The following MAB21L3 variants were observed in gnomAD, a reference collection of about 807,000 sequenced individuals.
MAB21L3 encodes mab-21 like 3.
In MAB21L3, 36 loss-of-function variants were observed where a neutral mutation model predicts 37.7. The observed-to-expected ratio is 0.96, with a 90% CI of 0.73 to 1.26. The LOEUF is 1.26. MAB21L3 is among the 50% of genes most tolerant of loss of function. The probability of loss-of-function intolerance (pLI) is 0.00; values close to 1 mark genes in which losing one functional copy is unlikely to be tolerated. For missense variants in MAB21L3, 430 were observed against 447.3 expected (o/e 0.96, Z 0.35); for synonymous variants, 186 against 176.8 (o/e 1.05, Z -0.41).
chr1:116,113,568 A>G (rs933692071), intron 3 of MAB21L3, among the ~76,000 whole-genome samples: 1 of 152,160 alleles, frequency 6.6e-6, no homozygotes, highest in African/African-American at 2.4e-5. Context: ...CAACTGCTCT[A>G]TCTTTCTACC....
chr1:116,127,604 T>A lies in MAB21L3; in HGVS notation c.620T>A (p.Leu207Gln). The change falls in exon 6 of 8, where the codon CTG becomes CAG. Residue 207 changes from leucine to glutamine, a missense_variant. Physicochemically the swap from Leu to Gln is moderately radical, Grantham distance 113 (BLOSUM62 -2). Transcript: ENST00000369500. Reference protein sequence around the residue: ...WSKKARWPRCLQRWPSQERVE... With the variant: ...WSKKARWPRCQQRWPSQERVE... The stretch of plus-strand genomic sequence containing the variant: ...AAGAAAGCCCGGTGGCCTCGATGTC[T>A]GCAGCGCTGGCCTTCCCAAGAGAGA... 6.2e-7 allele frequency: 1 copy of A among 1,614,108 alleles called. No homozygotes were observed. Among genetic ancestry groups the A allele is most frequent in the Non-Finnish European group, 8.5e-7 (1 of 1,180,028 alleles).
intron 3 of MAB21L3, among the ~76,000 whole-genome samples, chr1:116,113,182 A>C (rs1659479301): frequency 6.6e-6 from 1 of 152,218 alleles, no homozygotes; most frequent in Non-Finnish European, 1.5e-5. Flanking sequence ...ACTTGAAGGA[A>C]ACTTAAATAT....
At position 116,136,611 on chromosome 1, in the gene MAB21L3, T is replaced by C. The variant is rs1660202944; in HGVS notation, c.*3246T>C. The stretch of plus-strand genomic sequence containing the variant: ...GCTACCAATGACTTTCTTCACAGAA[T>C]TGGAAAAAACTACTTTAAAGTTCAT... On this transcript the variant is annotated 3_prime_UTR_variant, in exon 8 of 8. Transcript: ENST00000369500. Among the ~76,000 whole-genome samples, 1 of 152,056 alleles carries C rather than the reference T, an allele frequency of 6.6e-6. No individual in the cohort carries two copies. The highest frequency in any genetic ancestry group is 2.4e-5 in the African/African-American group (1 of 41,386).
Position 116,133,112 on chromosome 1 carries a change from A to G in MAB21L3, c.856-20A>G. The stretch of plus-strand genomic sequence containing the variant: ...TCAATTGCCCGAAACAATGTCTGAC[A>G]GCACTTCTCCCTTCCACAGACTGTG... On this transcript the variant is annotated intron_variant, in intron 7 of 7. Transcript: ENST00000369500. 1 of 1,594,288 alleles carries G rather than the reference A, an allele frequency of 6.3e-7. No individual in the cohort carries two copies. Among genetic ancestry groups the G allele is most frequent in the East Asian group, 2.2e-5 (1 of 44,754 alleles).
intron 5 of MAB21L3, among the ~76,000 whole-genome samples, chr1:116,126,003 A>G (rs1479095456): frequency 6.6e-6 from 1 of 152,240 alleles, no homozygotes; most frequent in Non-Finnish European, 1.5e-5. Flanking sequence ...TTTAGTAAAT[A>G]ATGCTAAAGT....
rs1393853917 is a variant in MAB21L3, at chr1:116,136,816, C to T, written c.*3451C>T. 2.1e-4 allele frequency among the ~76,000 whole-genome samples: 31 copies of T among 149,092 alleles called. No homozygotes were observed. The highest frequency in any genetic ancestry group is 6.0e-4 in the Admixed American group (9 of 14,992). On this transcript the variant is annotated 3_prime_UTR_variant, in exon 8 of 8. Coordinates refer to ENST00000369500, the MANE Select transcript of MAB21L3 (RefSeq NM_152367.3). ...AACAGAACAGAGCCCTCAGAAATAA[C>T]GCCGCATATCTACAACTATCTGATC...
At chr1:116,113,689 C>T (rs749907453) in intron 3 of MAB21L3, among the ~76,000 whole-genome samples, 2 of 152,186 alleles carry the variant, frequency 1.3e-5, no homozygotes, top group Non-Finnish European at 2.9e-5. Flanking sequence ...TAATGTTTTT[C>T]ACAAACATTT....
Position 116,121,239 on chromosome 1 carries a change from C to T in MAB21L3, c.189+167C>T, listed in dbSNP as rs1022205000. The stretch of plus-strand genomic sequence containing the variant: ...ATTTACAGTCTCATTTTATACATGT[C>T]ATTTCAGCCAGCAGGGTGCCTTATG... On this transcript the variant is annotated intron_variant, in intron 4 of 7. Transcript: ENST00000369500. 2.6e-5 allele frequency among the ~76,000 whole-genome samples: 4 copies of T among 152,280 alleles called. No homozygotes were observed. The East Asian group carries it at 7.7e-4, about 29-fold the overall frequency.
intron 3 of MAB21L3, among the ~76,000 whole-genome samples, chr1:116,118,964 G>A (rs1244958664): frequency 6.6e-6 from 1 of 152,140 alleles, no homozygotes; most frequent in Non-Finnish European, 1.5e-5. Context: ...CAGGTCATCT[G>A]TCTTGCTTTG....
At chr1:116,125,875 G>GGCAGGGTGTGGGCCA (rs1467637058) in intron 5 of MAB21L3, among the ~76,000 whole-genome samples, 1 of 152,182 alleles carries the variant, frequency 6.6e-6, no homozygotes, top group Non-Finnish European at 1.5e-5. Flanking sequence ...GGTGTGGGCC[G>GGCAGGGTGTGGGCCA]GCAGGGTGTG....
At chr1:116,127,445 C>T in intron 5 of MAB21L3, 21 bp from the exon 6 acceptor site, 2 of 1,607,602 alleles carry the variant, frequency 1.2e-6, no homozygotes, top group Non-Finnish European at 8.5e-7. Flanking sequence ...TCTCCTTATC[C>T]ATTTGGTCAT....
At chr1:116,121,191 C>T in intron 4 of MAB21L3, 119 bp downstream of exon 4, 1 of 1,039,860 alleles carries the variant, frequency 9.6e-7, no homozygotes, top group African/African-American at 1.6e-5. Context: ...TTCTTGTTTT[C>T]ATAGGTATTC....
At chr1:116,112,747 G>A in intron 3 of MAB21L3, 84 bp downstream of exon 3, 1 of 1,421,086 alleles carries the variant, frequency 7.0e-7, no homozygotes, top group Admixed American at 1.7e-5. Context: ...AAGGATCTCA[G>A]GCTCTTTCTA....
rs1272887137 is a variant in MAB21L3 at position 116,133,894 on chromosome 1, T to C, written c.*529T>C. ...GCATTGGATCAACACAAAGTGTTCC[T>C]GGTTGGTTGAGTAGCTGGTGTTTGC... is the stretch of plus-strand genomic sequence containing the variant. On this transcript the variant is annotated 3_prime_UTR_variant, in exon 8 of 8. Coordinates refer to ENST00000369500, the MANE Select transcript of MAB21L3 (RefSeq NM_152367.3). 6.2e-6 allele frequency: 1 copy of C among 161,490 alleles called. No individual in the cohort carries two copies. The highest frequency in any genetic ancestry group is 1.4e-5 in the Non-Finnish European group (1 of 73,634). 10.0% of individuals were successfully genotyped at this position (161,490 alleles called of 1,614,324 possible).
intron 5 of MAB21L3, among the ~76,000 whole-genome samples, chr1:116,124,870 T>TACACACACACACACAC (rs148469511): frequency 3.6e-5 from 5 of 140,382 alleles, no homozygotes; most frequent in East Asian, 4.1e-4. Context: ...AGCATATGCA[T>TACACACACACACACAC]ACACACACAC....
intron 3 of MAB21L3, among the ~76,000 whole-genome samples, chr1:116,115,991 T>G (rs1659575891): frequency 6.6e-6 from 1 of 152,230 alleles, no homozygotes; most frequent in Non-Finnish European, 1.5e-5. Context: ...GGTATCTTGC[T>G]GGCTTCCTAA....
rs1660140262 is a variant in MAB21L3 at position 116,133,727 on chromosome 1, G to A, written c.*362G>A. 1 of 335,624 alleles carries A rather than the reference G, an allele frequency of 3.0e-6. No homozygotes were observed. Among genetic ancestry groups the A allele is most frequent in the African/African-American group, 2.1e-5 (1 of 47,336 alleles). The allele number at this position is 335,624 out of a possible 1,614,324, so 20.8% of individuals were successfully genotyped here. A position where few individuals can be genotyped will look rare whatever the true frequency, so the allele number is the denominator to read the frequency against. Reference sequence around the variant, plus strand: ...ACAGAACCCCTGGAAGTCTGGACATGAGCCTGCTGGCCAATACTGTGCCCA... The same window carrying A: ...ACAGAACCCCTGGAAGTCTGGACATAAGCCTGCTGGCCAATACTGTGCCCA... On this transcript the variant is annotated 3_prime_UTR_variant, in exon 8 of 8. Transcript: ENST00000369500.
intron 6 of MAB21L3, 59 bp from the exon 7 acceptor site, chr1:116,128,086 C>T (rs1016526003): frequency 6.5e-7 from 1 of 1,527,316 alleles, no homozygotes; most frequent in African/African-American, 1.4e-5. Context: ...TCAGAAATGG[C>T]TTTCTACACC....
chr1:116,130,604 T>C (rs1340987250), intron 7 of MAB21L3, among the ~76,000 whole-genome samples: 1 of 152,086 alleles, frequency 6.6e-6, no homozygotes, highest in African/African-American at 2.4e-5. Context: ...GTGGAAGAGG[T>C]TGGGTTGCAA....
Sources: gnomAD v4.1 joint callset for allele counts (sites outside exome capture counted in the v4.1 genomes callset) on GRCh38, gnomAD v4.1.1 for gene constraint, MANE v1.5 for transcripts, NCBI Gene and HGNC (gene_info 2026-07-23, HGNC 2026-07-21) for gene names.